The following ZNF366 variants were observed in gnomAD, a reference collection of about 807,000 sequenced individuals.
The protein encoded by ZNF366 is dendritic cell-specific transcript protein.
A neutral mutation model predicts 47.2 loss-of-function variants in ZNF366; 20 were observed. The observed-to-expected ratio is 0.42, with a 90% CI of 0.30 to 0.62. ZNF366 has a LOEUF of 0.62. ZNF366 is among the 20% of genes least tolerant of loss of function. The pLI, the probability that ZNF366 is intolerant of heterozygous loss-of-function variation, is 0.16. For synonymous variants in ZNF366, 421 were observed against 395.1 expected (o/e 1.07, Z -0.78); for missense variants, 987 against 976.3 (o/e 1.01, Z -0.15).
At chr5:72,492,474 C>G (rs1334610008) in intron 1 of ZNF366, among the ~76,000 whole-genome samples, 2 of 152,114 alleles carry the variant, frequency 1.3e-5, no homozygotes, top group African/African-American at 4.8e-5. Context: ...AAACAATAAA[C>G]AAACAAACAA....
At position 72,461,033 on chromosome 5, in the gene ZNF366, A is replaced by T; in HGVS notation, c.464T>A (p.Ile155Asn). 1 of 1,614,078 alleles carries T rather than the reference A, an allele frequency of 6.2e-7. No homozygotes were observed. The highest frequency in any genetic ancestry group is 8.5e-7 in the Non-Finnish European group (1 of 1,180,016). ...CTGGGGCCACACGGCGCTGGGCTTA[A>T]TGGGTTCCTGCTTGACGGGCTTGCC... Reference protein sequence around the residue: ...FGGKPVKQEPIKPSAVWPQPT... With the variant: ...FGGKPVKQEPNKPSAVWPQPT... Residue 155 changes from isoleucine (I) to asparagine (N), a missense_variant, in exon 2 of 5, where the codon ATT becomes AAT. By Grantham distance (149) the Ile-to-Asn change is moderately radical. Coordinates refer to ENST00000318442, the MANE Select transcript of ZNF366 (RefSeq NM_152625.3).
At chr5:72,462,166 T>C (rs563318786) in intron 1 of ZNF366, among the ~76,000 whole-genome samples, 16 of 152,336 alleles carry the variant, frequency 1.1e-4, no homozygotes, top group Non-Finnish European at 1.9e-4. Flanking sequence ...TAAGGTGTGC[T>C]ACTAAGGCAT....
At chr5:72,474,648 C>T (rs997828235) in intron 1 of ZNF366, among the ~76,000 whole-genome samples, 4 of 150,600 alleles carry the variant, frequency 2.7e-5, no homozygotes, top group Admixed American at 6.6e-5. Flanking sequence ...AAATGTACAC[C>T]CATGCACACA....
intron 1 of ZNF366, among the ~76,000 whole-genome samples, chr5:72,504,792 C>G (rs1431684341): frequency 1.3e-5 from 2 of 152,334 alleles, no homozygotes; most frequent in East Asian, 3.9e-4. Context: ...TTGACTCCTA[C>G]TACTTGCCAA....
chr5:72,486,870 C>T (rs1032328458), intron 1 of ZNF366, among the ~76,000 whole-genome samples: 5 of 152,010 alleles, frequency 3.3e-5, no homozygotes, highest in African/African-American at 7.2e-5. Context: ...CTCTGCATCC[C>T]GGGTTCAAGC....
In ZNF366 at chr5:72,440,599, G is replaced by A. The variant is rs1742837931; in HGVS notation, c.*3157C>T. The A allele has an allele frequency of 6.6e-6, 1 of 152,138 alleles. No individual in the cohort carries two copies. The highest frequency in any genetic ancestry group is 1.9e-4 in the East Asian group (1 of 5,196). 9.4% of individuals were successfully genotyped at this position (152,138 alleles called of 1,614,324 possible). On this transcript the variant is annotated 3_prime_UTR_variant, in exon 5 of 5. Transcript: ENST00000318442. Reference sequence around the variant, plus strand: ...ACTCTCCTTCAAGGCTTGCCTTCTGGTTCATCAGCTCATTAGGCAAGGCTG... The same window carrying A: ...ACTCTCCTTCAAGGCTTGCCTTCTGATTCATCAGCTCATTAGGCAAGGCTG...
intron 1 of ZNF366, among the ~76,000 whole-genome samples, chr5:72,494,658 A>T (rs1456839928): frequency 6.7e-6 from 1 of 149,590 alleles, no homozygotes; most frequent in Non-Finnish European, 1.5e-5. Flanking sequence ...TGACTGAGAC[A>T]CTTGAAGTGA....
chr5:72,481,108 G>C lies in ZNF366; in HGVS notation c.-14-19598C>G, dbSNP rs576322468. Among the ~76,000 whole-genome samples the C allele has an allele frequency of 7.6e-4, 115 of 152,284 alleles. 1 individual carries two copies. The highest frequency in any genetic ancestry group is 1.5e-3 in the Non-Finnish European group (101 of 68,020). ...AGAGGGCTATTGGCAAATAACAGCC[G>C]TAATAAAAAGCCCGTGCAGCCTCAT... On this transcript the variant is annotated intron_variant, in intron 1 of 4. Transcript: ENST00000318442.
At position 72,473,435 on chromosome 5, in the gene ZNF366, A is replaced by G. The variant is rs551398542; in HGVS notation, c.-14-11925T>C. Among the ~76,000 whole-genome samples, 4 of 152,336 alleles carry G rather than the reference A, an allele frequency of 2.6e-5. No homozygotes were observed. In the East Asian group the frequency reaches 5.8e-4, roughly 22 times the overall value. On this transcript the variant is annotated intron_variant, in intron 1 of 4. Transcript: ENST00000318442. ...GATATATAGAGCAAATCAAATGTCA[A>G]TTCCTCTACCTGACTGTCAAAGTTC... is the stretch of plus-strand genomic sequence containing the variant.
chr5:72,452,365 G>A (rs1031228023), intron 3 of ZNF366, among the ~76,000 whole-genome samples: 1 of 152,196 alleles, frequency 6.6e-6, no homozygotes, highest in Non-Finnish European at 1.5e-5. Context: ...ATTTGCAGGC[G>A]GTCCCCTGGG....
chr5:72,442,833 G>A lies in ZNF366; in HGVS notation c.*923C>T. On this transcript the variant is annotated 3_prime_UTR_variant, in exon 5 of 5. Coordinates refer to ENST00000318442, the MANE Select transcript of ZNF366 (RefSeq NM_152625.3). ...CTGCCATCATGCCTGGCTAATTTTT[G>A]TATTTTTAGTAGAGAAGGGGTTTTG... The A allele has an allele frequency of 6.6e-6, 1 of 152,250 alleles. No homozygotes were observed. The highest frequency in any genetic ancestry group is 1.5e-5 in the Non-Finnish European group (1 of 68,058). 9.4% of individuals were successfully genotyped at this position (152,250 alleles called of 1,614,324 possible). A position where few individuals can be genotyped will look rare whatever the true frequency, so the allele number is the denominator to read the frequency against.
chr5:72,455,926 C>T lies in ZNF366; in HGVS notation c.1524+478G>A, dbSNP rs12655559. Among the ~76,000 whole-genome samples the T allele has an allele frequency of 1.3e-4, 20 of 152,246 alleles. No homozygotes were observed. In the East Asian group the frequency reaches 3.7e-3, roughly 28 times the overall value. ...CCTCAAACTAAACATATGGCTCAGC[C>T]CAAGTGTCAAGAGGCAAGGAGAGGA... On this transcript the variant is annotated intron_variant, in intron 3 of 4. Transcript: ENST00000318442.
intron 1 of ZNF366, among the ~76,000 whole-genome samples, chr5:72,477,497 G>A (rs1257730973): frequency 1.3e-5 from 2 of 152,156 alleles, no homozygotes; most frequent in Non-Finnish European, 2.9e-5. Context: ...AAAACTGAGG[G>A]TGACCAAATA....
intron 1 of ZNF366, among the ~76,000 whole-genome samples, chr5:72,497,084 C>T (rs576474429): frequency 5.3e-5 from 8 of 152,098 alleles, no homozygotes; most frequent in East Asian, 1.9e-4. Context: ...CCTAGTTTGC[C>T]GCTTGTCTTT....
At chr5:72,446,150 G>T (rs1325813629) in intron 4 of ZNF366, among the ~76,000 whole-genome samples, 1 of 152,158 alleles carries the variant, frequency 6.6e-6, no homozygotes, top group Non-Finnish European at 1.5e-5. Context: ...AAATTGGGCT[G>T]GAATCCCAGT....
chr5:72,451,221 C>T (rs1199534576), intron 3 of ZNF366, among the ~76,000 whole-genome samples: 1 of 152,248 alleles, frequency 6.6e-6, no homozygotes, highest in Non-Finnish European at 1.5e-5. Flanking sequence ...TCTCCACCAG[C>T]GTGCCCCCGC....
At chr5:72,504,047 G>T (rs1744268187) in intron 1 of ZNF366, among the ~76,000 whole-genome samples, 1 of 151,250 alleles carries the variant, frequency 6.6e-6, no homozygotes. Flanking sequence ...ACACACACAT[G>T]CACACACGCA....
At chr5:72,502,979 G>A (rs917768176) in intron 1 of ZNF366, among the ~76,000 whole-genome samples, 1 of 152,090 alleles carries the variant, frequency 6.6e-6, no homozygotes, top group African/African-American at 2.4e-5. Context: ...CAAAAAATTA[G>A]CCAGGCGTGG....
chr5:72,475,259 G>A (rs760457666), intron 1 of ZNF366, among the ~76,000 whole-genome samples: 2 of 152,182 alleles, frequency 1.3e-5, no homozygotes, highest in Non-Finnish European at 2.9e-5. Context: ...TCACAGACTG[G>A]TCCCTGATGT....
Sources: allele counts gnomAD v4.1 joint callset (sites outside exome capture counted in the v4.1 genomes callset), GRCh38; gene constraint gnomAD v4.1.1; transcripts MANE v1.5; gene names NCBI Gene and HGNC (gene_info 2026-07-23, HGNC 2026-07-21).